Variants in BACH2 observed in about 807,000 individuals in gnomAD.
BACH2 encodes transcription regulator protein BACH2.
A neutral mutation model predicts 61.8 loss-of-function variants in BACH2; 5 were observed. That is an observed-to-expected ratio of 0.08 (90% CI 0.04 to 0.17). The LOEUF (loss-of-function observed/expected upper bound fraction) is 0.17. Ranked by LOEUF, BACH2 falls within the 10% of genes least tolerant of loss-of-function variation. The pLI is 1.00. For missense variants in BACH2, 824 were observed against 1,091.1 expected, an observed-to-expected ratio of 0.76 and a Z score of 3.45; for synonymous variants, 446 against 440.1, an observed-to-expected ratio of 1.01 and a Z score of -0.17.
At chr6:90,236,367 T>A (rs927398067) in intron 3 of BACH2, among the ~76,000 whole-genome samples, 2 of 152,210 alleles carry the variant, frequency 1.3e-5, no homozygotes, top group Non-Finnish European at 2.9e-5. Flanking sequence ...CAGGCCTGCA[T>A]GGTGGGACCC....
At chr6:90,038,624 C>T (rs1779378355) in intron 5 of BACH2, among the ~76,000 whole-genome samples, 1 of 152,182 alleles carries the variant, frequency 6.6e-6, no homozygotes, top group African/African-American at 2.4e-5. Flanking sequence ...TCCCAGCCAT[C>T]CAGTTCCATT....
In BACH2 at chr6:90,222,556, T is replaced by C. The variant is rs1280319367; in HGVS notation, c.-274-15875A>G. Among the ~76,000 whole-genome samples the C allele has an allele frequency of 1.3e-5, 2 of 152,172 alleles. 1 individual carries two copies. Among genetic ancestry groups the C allele is most frequent in the Non-Finnish European group, 2.9e-5 (2 of 68,028 alleles). On this transcript the variant is annotated intron_variant, in intron 3 of 8. Transcript: ENST00000257749. Reference sequence around the variant, plus strand: ...TGTGCTTAGAATGAAAGCTCACTGATTGTGTATTTAATATGAAGTTTCATT... The same window carrying C: ...TGTGCTTAGAATGAAAGCTCACTGACTGTGTATTTAATATGAAGTTTCATT...
In BACH2 at chr6:89,950,729, A is replaced by T. The variant is rs902141554; in HGVS notation, c.1377T>A (p.Ser459=). 2 of 1,614,162 alleles carry T rather than the reference A, an allele frequency of 1.2e-6. No individual in the cohort carries two copies. Among genetic ancestry groups the T allele is most frequent in the South Asian group, 2.2e-5 (2 of 91,080 alleles). ...CCCACAGACCCTTTGGCACCGGCTCAGAGAGGTCTTTGTCCAAACTGCTCA... is the reference window on the plus strand; with the variant it reads ...CCCACAGACCCTTTGGCACCGGCTCTGAGAGGTCTTTGTCCAAACTGCTCA... ...SGVSSLDKDL[S]EPVPKGLWVG... The change falls in exon 7 of 9, where the codon TCT becomes TCA. Residue 459 remains serine (S), a synonymous_variant. Transcript: ENST00000257749. The surrounding 1 kb of genome is among the most constrained non-coding windows in gnomAD (Gnocchi z 5.3).
intron 1 of BACH2, among the ~76,000 whole-genome samples, chr6:90,282,603 C>T (rs996935036): frequency 4.0e-5 from 6 of 151,734 alleles, no homozygotes; most frequent in African/African-American, 4.8e-5. Flanking sequence ...TGAATAGTGC[C>T]GCAACGAACA....
At chr6:90,183,796 GA>G (rs1441199940) in intron 4 of BACH2, among the ~76,000 whole-genome samples, 5 of 152,208 alleles carry the variant, frequency 3.3e-5, no homozygotes, top group Admixed American at 3.3e-4. Flanking sequence ...GTTAGTTAAT[GA>G]GTGATGGCTG....
intron 3 of BACH2, among the ~76,000 whole-genome samples, chr6:90,216,387 G>A (rs531582681): frequency 7.2e-5 from 11 of 152,274 alleles, no homozygotes; most frequent in African/African-American, 2.4e-4. Flanking sequence ...TACAGGCAGC[G>A]AGCCTGGGGC....
chr6:90,093,824 G>A (rs995520432), intron 4 of BACH2, among the ~76,000 whole-genome samples: 6 of 152,176 alleles, frequency 3.9e-5, no homozygotes, highest in African/African-American at 9.7e-5. Flanking sequence ...ATTGATTTCC[G>A]AAGACCTCAC....
chr6:90,201,329 C>G (rs527466633), intron 4 of BACH2, among the ~76,000 whole-genome samples: 17 of 152,250 alleles, frequency 1.1e-4, no homozygotes, highest in Non-Finnish European at 2.2e-4. Flanking sequence ...CTGATGTTCC[C>G]TACTCCCAAC....
chr6:90,063,271 G>C (rs1175963376), intron 5 of BACH2, among the ~76,000 whole-genome samples: 1 of 152,118 alleles, frequency 6.6e-6, no homozygotes, highest in Non-Finnish European at 1.5e-5. Flanking sequence ...ACTCCTATGG[G>C]GGTGTGTGTG....
chr6:90,103,051 T>TA (rs1554246300), intron 4 of BACH2, among the ~76,000 whole-genome samples: 5 of 130,656 alleles, frequency 3.8e-5, no homozygotes, highest in Admixed American at 3.1e-4. Flanking sequence ...TTTTTTTTTT[T>TA]ACCAGACTAT....
chr6:90,015,504 C>A (rs1421673151), intron 5 of BACH2, among the ~76,000 whole-genome samples: 1 of 152,068 alleles, frequency 6.6e-6, no homozygotes, highest in East Asian at 1.9e-4. Context: ...TAAAATTTCC[C>A]TTTTGATTTA....
intron 3 of BACH2, among the ~76,000 whole-genome samples, chr6:90,242,209 T>G (rs1367220662): frequency 6.6e-6 from 1 of 152,220 alleles, no homozygotes; most frequent in African/African-American, 2.4e-5. Flanking sequence ...CAGAATAGTG[T>G]CACAGCCCTT....
At chr6:89,966,555 A>G (rs1167171013) in intron 6 of BACH2, among the ~76,000 whole-genome samples, 1 of 152,224 alleles carries the variant, frequency 6.6e-6, no homozygotes, top group Non-Finnish European at 1.5e-5. Flanking sequence ...ACGCCCCTGA[A>G]TAAGAGCATG....
At chr6:89,965,758 G>A (rs1775016032) in intron 6 of BACH2, among the ~76,000 whole-genome samples, 1 of 152,198 alleles carries the variant, frequency 6.6e-6, no homozygotes, top group Non-Finnish European at 1.5e-5. Flanking sequence ...AGAACTGACA[G>A]ATCACACGTC....
At chr6:89,955,713 T>C (rs1774390376) in intron 6 of BACH2, among the ~76,000 whole-genome samples, 1 of 152,202 alleles carries the variant, frequency 6.6e-6, no homozygotes, top group African/African-American at 2.4e-5. Context: ...GGTGGCACTG[T>C]CTACCCATTT....
At chr6:90,160,087 G>A (rs541820535) in intron 4 of BACH2, among the ~76,000 whole-genome samples, 7 of 152,264 alleles carry the variant, frequency 4.6e-5, no homozygotes, top group Non-Finnish European at 8.8e-5. Context: ...CAAAATATAT[G>A]TGGATAAAAT....
chr6:90,146,186 C>T (rs571870479), intron 4 of BACH2, among the ~76,000 whole-genome samples: 1 of 152,324 alleles, frequency 6.6e-6, no homozygotes, highest in African/African-American at 2.4e-5. Context: ...TTCATCACCA[C>T]GTGTGACCAA....
chr6:90,046,985 G>T (rs1253838158), intron 5 of BACH2, among the ~76,000 whole-genome samples: 1 of 152,094 alleles, frequency 6.6e-6, no homozygotes, highest in African/African-American at 2.4e-5. Context: ...AGGCTGGAGT[G>T]CAATGGCATG....
At chr6:89,978,012 A>G (rs1775748350) in intron 6 of BACH2, among the ~76,000 whole-genome samples, 2 of 152,230 alleles carry the variant, frequency 1.3e-5, no homozygotes, top group South Asian at 4.1e-4. Context: ...CCAGTGCTGC[A>G]ACCAGTAAGA....
Sources: allele counts gnomAD v4.1 joint callset (sites outside exome capture counted in the v4.1 genomes callset), GRCh38; gene constraint gnomAD v4.1.1; non-coding constraint Gnocchi (gnomAD v3.1); transcripts MANE v1.5; gene names NCBI Gene and HGNC (gene_info 2026-07-23, HGNC 2026-07-21).